The following EFCAB6 variants were observed in gnomAD, a reference collection of about 807,000 sequenced individuals.
EFCAB6 encodes EF-hand calcium-binding domain-containing protein 6.
A neutral mutation model predicts 169.8 loss-of-function variants in EFCAB6; 156 were observed. The ratio of observed to expected loss-of-function variants is 0.92; its 90% confidence interval spans 0.81 to 1.05. The LOEUF (loss-of-function observed/expected upper bound fraction) is 1.05. Among genes scored for constraint, EFCAB6 ranks in the 50% least tolerant of loss-of-function variants. The pLI is 0.00. For missense variants in EFCAB6, 1,800 were observed against 1,829.1 expected (o/e 0.98, Z 0.29); for synonymous variants, 698 against 676.4 (o/e 1.03, Z -0.50).
At position 43,632,358 on chromosome 22, in the gene EFCAB6, G is replaced by C. The variant is rs2055035420; in HGVS notation, c.2099-120C>G. The C allele has an allele frequency of 5.7e-6, 8 of 1,395,018 alleles. No homozygotes were observed. In the East Asian group the frequency reaches 2.0e-4, roughly 34 times the overall value. The allele number at this position is 1,395,018 out of a possible 1,614,324, so 86.4% of individuals were successfully genotyped here. On this transcript the variant is annotated intron_variant, in intron 18 of 31. Coordinates refer to ENST00000262726, the MANE Select transcript of EFCAB6 (RefSeq NM_022785.4). ...CTTGTTGCCCAGGCTGGAGCGCAGT[G>C]GTGCAATCTCAGCTCACTGCAACCT...
intron 1 of EFCAB6, among the ~76,000 whole-genome samples, chr22:43,810,194 C>G (rs924779044): frequency 2.0e-5 from 3 of 152,196 alleles, no homozygotes; most frequent in Non-Finnish European, 4.4e-5. Flanking sequence ...TTTTCCATAG[C>G]CAACTTGTGA....
At chr22:43,766,708 T>A (rs922135785) in intron 4 of EFCAB6, among the ~76,000 whole-genome samples, 3 of 152,006 alleles carry the variant, frequency 2.0e-5, no homozygotes, top group African/African-American at 4.8e-5. Context: ...AGAGACAGGG[T>A]TTCATCAAGT....
chr22:43,530,691 T>C, intron 31 of EFCAB6, 124 bp downstream of exon 31: 1 of 1,520,592 alleles, frequency 6.6e-7, no homozygotes, highest in South Asian at 1.3e-5. Context: ...GGAAGTGAGA[T>C]CTGAAGCAGC....
At chr22:43,689,637 A>T (rs913430689) in intron 10 of EFCAB6, among the ~76,000 whole-genome samples, 4 of 152,172 alleles carry the variant, frequency 2.6e-5, no homozygotes, top group Non-Finnish European at 5.9e-5. Context: ...GTCAAATGAG[A>T]ACTTTCAGCC....
At chr22:43,681,077 C>T (rs527703514) in intron 12 of EFCAB6, among the ~76,000 whole-genome samples, 1 of 152,342 alleles carries the variant, frequency 6.6e-6, no homozygotes, top group Admixed American at 6.5e-5. Flanking sequence ...TTACCATTAA[C>T]TGTGCTGCTG....
At chr22:43,784,539 G>GTATA (rs1412650507) in intron 2 of EFCAB6, among the ~76,000 whole-genome samples, 1,707 of 91,826 alleles carry the variant, frequency 0.019, 206 homozygotes, top group East Asian at 0.049. Context: ...GTGTGTGTGT[G>GTATA]TGTGTATATG....
At chr22:43,725,038 A>T (rs2059672985) in intron 8 of EFCAB6, among the ~76,000 whole-genome samples, 1 of 151,796 alleles carries the variant, frequency 6.6e-6, no homozygotes, top group Non-Finnish European at 1.5e-5. Flanking sequence ...AGGTCAAGGG[A>T]CTGCAGCTGG....
chr22:43,648,374 G>T (rs1040421901), intron 17 of EFCAB6, among the ~76,000 whole-genome samples: 3 of 152,070 alleles, frequency 2.0e-5, no homozygotes, highest in African/African-American at 7.3e-5. Flanking sequence ...ATACTACACT[G>T]CCATAAAAAA....
intron 26 of EFCAB6, among the ~76,000 whole-genome samples, chr22:43,568,219 TTCG>T (rs1001300030): frequency 1.6e-4 from 24 of 152,308 alleles, no homozygotes; most frequent in Admixed American, 1.4e-3. Flanking sequence ...AGTGTTGAGA[TTCG>T]TCCAGTCCAG....
intron 9 of EFCAB6, 61 bp from the exon 10 acceptor site, chr22:43,711,684 A>G: frequency 6.5e-7 from 1 of 1,542,572 alleles, no homozygotes; most frequent in Middle Eastern, 1.7e-4. Context: ...GAGCTATTCA[A>G]CCATTTTATT....
At chr22:43,644,955 C>T (rs369679308) in intron 17 of EFCAB6, among the ~76,000 whole-genome samples, 9 of 152,260 alleles carry the variant, frequency 5.9e-5, no homozygotes, top group Admixed American at 6.5e-5. Flanking sequence ...TTCTACATTC[C>T]CTCCCTTACT....
intron 11 of EFCAB6, among the ~76,000 whole-genome samples, chr22:43,686,899 A>T (rs1333862153): frequency 6.6e-6 from 1 of 152,100 alleles, no homozygotes; most frequent in Non-Finnish European, 1.5e-5. Flanking sequence ...CATATTATTA[A>T]ATTTTTTAAA....
chr22:43,550,607 G>A (rs2048324097), intron 27 of EFCAB6, among the ~76,000 whole-genome samples: 1 of 151,608 alleles, frequency 6.6e-6, no homozygotes, highest in Non-Finnish European at 1.5e-5. Context: ...GATAGGCAGA[G>A]GTTGCAGTGA....
rs1489367932 is a variant in EFCAB6, at chr22:43,537,803, A to G, written c.3880-258T>C. On this transcript the variant is annotated intron_variant, in intron 28 of 31. Transcript: ENST00000262726. The surrounding 1 kb of genome is among the most constrained non-coding windows in gnomAD (Gnocchi z 4.3). ...CCATGTAGCCAAGGTTCAAATCTAC[A>G]CAGATGAGATGTAAACATATTTCTG... Among the ~76,000 whole-genome samples, 1 of 151,930 alleles carries G rather than the reference A, an allele frequency of 6.6e-6. No homozygotes were observed. The highest frequency in any genetic ancestry group is 2.4e-5 in the African/African-American group (1 of 41,296).
chr22:43,540,000 C>T (rs1015862820), intron 28 of EFCAB6, 127 bp downstream of exon 28: 3 of 1,030,466 alleles, frequency 2.9e-6, no homozygotes, highest in Non-Finnish European at 2.8e-6. Context: ...TGTGCCCCCA[C>T]CCCAGACTCA....
chr22:43,688,846 G>A (rs1349585050), intron 10 of EFCAB6, among the ~76,000 whole-genome samples: 1 of 152,220 alleles, frequency 6.6e-6, no homozygotes, highest in Admixed American at 6.5e-5. Context: ...GATAATTGAT[G>A]TGAGATCTCA....
chr22:43,645,114 G>A (rs1031751820), intron 17 of EFCAB6, among the ~76,000 whole-genome samples: 4 of 152,128 alleles, frequency 2.6e-5, no homozygotes, highest in African/African-American at 4.8e-5. Flanking sequence ...TATCACATAC[G>A]GAGGTCTTGT....
intron 10 of EFCAB6, among the ~76,000 whole-genome samples, chr22:43,699,122 C>A (rs2058678663): frequency 6.6e-6 from 1 of 152,158 alleles, no homozygotes; most frequent in Non-Finnish European, 1.5e-5. Flanking sequence ...TTTGTCTGTT[C>A]ATCTAGATCC....
At chr22:43,554,561 G>A in intron 27 of EFCAB6, 1 of 374,002 alleles carries the variant, frequency 2.7e-6, no homozygotes, top group Non-Finnish European at 4.9e-6. Context: ...GCCCATGACA[G>A]ACCCAGACCA....
Sources: allele counts gnomAD v4.1 joint callset (sites outside exome capture counted in the v4.1 genomes callset), GRCh38; gene constraint gnomAD v4.1.1; non-coding constraint Gnocchi (gnomAD v3.1); transcripts MANE v1.5; gene names NCBI Gene and HGNC (gene_info 2026-07-23, HGNC 2026-07-21).